The following PAPSS1 variants were observed in gnomAD, a reference collection of about 807,000 sequenced individuals.
PAPSS1 encodes the protein 3'-phosphoadenosine 5'-phosphosulfate synthase 1.
PAPSS1 carries 50 observed loss-of-function variants against 72.0 expected under a neutral mutation model. That is an observed-to-expected ratio of 0.69 (90% confidence interval 0.55 to 0.88). PAPSS1 has a LOEUF of 0.88. Ranked by LOEUF, PAPSS1 falls within the 40% of genes least tolerant of loss-of-function variation. The probability of loss-of-function intolerance (pLI) is 0.00; values close to 1 mark genes in which losing one functional copy is unlikely to be tolerated. For missense variants in PAPSS1, 657 were observed against 782.2 expected (o/e 0.84, Z 1.91); for synonymous variants, 261 against 263.6 (o/e 0.99, Z 0.09).
At chr4:107,648,243 G>A (rs902620290) in intron 9 of PAPSS1, among the ~76,000 whole-genome samples, 2 of 152,174 alleles carry the variant, frequency 1.3e-5, no homozygotes, top group African/African-American at 2.4e-5. Context: ...GCATATATGT[G>A]TGACAAGGAA....
chr4:107,716,881 T>A (rs984139882), intron 1 of PAPSS1, among the ~76,000 whole-genome samples: 1 of 152,200 alleles, frequency 6.6e-6, no homozygotes, highest in African/African-American at 2.4e-5. Flanking sequence ...GTACACTTCC[T>A]TTACCTAATC....
chr4:107,673,392 G>C (rs1727549148), intron 5 of PAPSS1, among the ~76,000 whole-genome samples: 1 of 152,184 alleles, frequency 6.6e-6, no homozygotes, highest in South Asian at 2.1e-4. Context: ...GAAAACCAAG[G>C]CATGAGAACT....
intron 10 of PAPSS1, among the ~76,000 whole-genome samples, chr4:107,641,409 T>G (rs750224398): frequency 6.6e-6 from 1 of 152,166 alleles, no homozygotes; most frequent in African/African-American, 2.4e-5. Context: ...ATATTCAGAG[T>G]TGAGCCCAGT....
intron 5 of PAPSS1, among the ~76,000 whole-genome samples, chr4:107,663,734 T>A (rs1212619593): frequency 6.6e-6 from 1 of 152,196 alleles, no homozygotes; most frequent in African/African-American, 2.4e-5. Flanking sequence ...TCTGCATGTA[T>A]CAACTCATAG....
chr4:107,614,353 T>C lies in PAPSS1; in HGVS notation c.1771A>G (p.Met591Val), dbSNP rs746047043. ...TGGCCTTCTCGAGCAAGTTTGCGCATTCGTGTTCCTGAAATAAATTCAAAG... is the reference window on the plus strand; with the variant it reads ...TGGCCTTCTCGAGCAAGTTTGCGCACTCGTGTTCCTGAAATAAATTCAAAG... ...EDFEFISGTR[M>V]RKLAREGQKP... The change falls in exon 12 of 12, where the codon ATG (methionine) becomes GTG (valine). Residue 591 changes from methionine to valine, a missense_variant. By Grantham distance (21) the Met-to-Val change is conservative. Transcript: ENST00000265174. 1.2e-6 allele frequency: 2 copies of C among 1,613,804 alleles called. No homozygotes were observed. The highest frequency in any genetic ancestry group is 1.7e-6 in the Non-Finnish European group (2 of 1,179,844).
At chr4:107,655,247 T>A (rs1726972532) in intron 7 of PAPSS1, among the ~76,000 whole-genome samples, 1 of 152,188 alleles carries the variant, frequency 6.6e-6, no homozygotes. Flanking sequence ...AAATACATAC[T>A]GTGCACTTCC....
intron 1 of PAPSS1, among the ~76,000 whole-genome samples, chr4:107,717,624 C>T (rs1723672124): frequency 6.6e-6 from 1 of 152,182 alleles, no homozygotes; most frequent in Non-Finnish European, 1.5e-5. Flanking sequence ...AATATTCACC[C>T]TCAGAAATGT....
Position 107,654,678 on chromosome 4 carries a change from C to G in PAPSS1, c.1101+17G>C. ...ATTGGCAAATCAAGATAAAATGCAG[C>G]GAGGTTTTTTCAGCACCTTAATATA... On this transcript the variant is annotated intron_variant, in intron 8 of 11. Coordinates refer to ENST00000265174, the MANE Select transcript of PAPSS1 (RefSeq NM_005443.5). The G allele has an allele frequency of 6.3e-7, 1 of 1,596,342 alleles. No individual in the cohort carries two copies.
chr4:107,690,755 A>G (rs1722894007), intron 3 of PAPSS1, among the ~76,000 whole-genome samples: 1 of 152,126 alleles, frequency 6.6e-6, no homozygotes, highest in Non-Finnish European at 1.5e-5. Context: ...TCCAAACCTC[A>G]TTATCAGTGC....
chr4:107,675,344 A>G (rs1297500607), intron 5 of PAPSS1, among the ~76,000 whole-genome samples: 1 of 152,196 alleles, frequency 6.6e-6, no homozygotes, highest in Non-Finnish European at 1.5e-5. Context: ...AAAAAATGAT[A>G]AAGGGGATAT....
At chr4:107,700,788 A>C (rs1334931727) in intron 2 of PAPSS1, among the ~76,000 whole-genome samples, 1 of 152,152 alleles carries the variant, frequency 6.6e-6, no homozygotes, top group Non-Finnish European at 1.5e-5. Flanking sequence ...ATGAGAAATA[A>C]ATTTCTATTC....
At chr4:107,675,838 G>C (rs1010528883) in intron 5 of PAPSS1, among the ~76,000 whole-genome samples, 19 of 152,276 alleles carry the variant, frequency 1.2e-4, no homozygotes, top group African/African-American at 4.6e-4. Flanking sequence ...TATCCACCAT[G>C]ATCAAGTCAG....
At chr4:107,683,864 C>T (rs57172062) in intron 4 of PAPSS1, among the ~76,000 whole-genome samples, 3,111 of 151,526 alleles carry the variant, frequency 0.021, 104 homozygotes, top group African/African-American at 0.071. Context: ...AGGGAACTTG[C>T]TAAGCATCAT....
In PAPSS1 at chr4:107,631,669, GT is replaced by G. The variant is rs1029023062; in HGVS notation, c.1697del (p.Asn566ThrfsTer49). On this transcript the variant is annotated frameshift_variant, in exon 11 of 12. Coordinates refer to ENST00000265174, the MANE Select transcript of PAPSS1 (RefSeq NM_005443.5). LOFTEE classifies it high-confidence loss of function. ...EIVPFRVAAY[N>X]KKKKRMDYYD... ...AGTAGTCCATACGCTTCTTTTTCTT[GT>G]TGTAAGCTGCAACTCGAAAGGGAAC... 1.9e-6 allele frequency: 3 copies of G among 1,613,818 alleles called. No individual in the cohort carries two copies. Among genetic ancestry groups the G allele is most frequent in the Admixed American group, 1.7e-5 (1 of 59,988 alleles).
intron 1 of PAPSS1, among the ~76,000 whole-genome samples, chr4:107,713,040 T>C (rs1723535578): frequency 6.6e-6 from 1 of 151,684 alleles, no homozygotes; most frequent in Non-Finnish European, 1.5e-5. Context: ...CTTCGCCTTC[T>C]GGTTCAAGCG....
In PAPSS1 at chr4:107,614,335, C is replaced by T. The variant is rs1725764399; in HGVS notation, c.1789G>A (p.Glu597Lys). The T allele has an allele frequency of 1.2e-6, 2 of 1,613,884 alleles. No individual in the cohort carries two copies. The highest frequency in any genetic ancestry group is 1.7e-6 in the Non-Finnish European group (2 of 1,179,864). The change falls in exon 12 of 12, where the codon GAA becomes AAA. Residue 597 changes from glutamate (E) to lysine (K), a missense_variant. Transcript: ENST00000265174. ...SGTRMRKLAREGQKPPEGFMA... is the reference protein window; with the variant it reads ...SGTRMRKLARKGQKPPEGFMA... ...AAACCTTCAGGTGGTTTCTGGCCTT[C>T]TCGAGCAAGTTTGCGCATTCGTGTT...
chr4:107,639,645 A>C (rs1726485933), intron 10 of PAPSS1, among the ~76,000 whole-genome samples: 1 of 152,204 alleles, frequency 6.6e-6, no homozygotes, highest in Non-Finnish European at 1.5e-5. Flanking sequence ...GAGAAGACAA[A>C]ATTATCAAAG....
At chr4:107,628,753 T>C (rs183624389) in intron 11 of PAPSS1, among the ~76,000 whole-genome samples, 4 of 152,334 alleles carry the variant, frequency 2.6e-5, no homozygotes, top group Non-Finnish European at 2.9e-5. Context: ...CTAGGTGCTA[T>C]AGATAATGCA....
intron 5 of PAPSS1, among the ~76,000 whole-genome samples, chr4:107,665,992 T>A (rs1727306347): frequency 6.6e-6 from 1 of 152,230 alleles, no homozygotes. Flanking sequence ...TTGAGCCAAA[T>A]CTGCTCAACA....
Sources: gnomAD v4.1 joint callset for allele counts (sites outside exome capture counted in the v4.1 genomes callset) on GRCh38, gnomAD v4.1.1 for gene constraint, MANE v1.5 for transcripts, NCBI Gene and HGNC (gene_info 2026-07-23, HGNC 2026-07-21) for gene names.